Variants in FSTL1 observed in about 807,000 individuals in gnomAD.
The protein encoded by FSTL1 is follistatin like 1.
A neutral mutation model predicts 45.9 loss-of-function variants in FSTL1; 24 were observed. That is an observed-to-expected ratio of 0.52 (90% CI 0.38 to 0.74). The LOEUF is 0.74. Ranked by LOEUF, FSTL1 falls within the 30% of genes least tolerant of loss-of-function variation. FSTL1 has a pLI of 0.00. For synonymous variants in FSTL1, 120 were observed against 137.6 expected (o/e 0.87, Z 0.89); for missense variants, 340 against 381.8 (o/e 0.89, Z 0.91).
chr3:120,431,435 T>C (rs924169334), intron 2 of FSTL1, among the ~76,000 whole-genome samples: 1 of 152,228 alleles, frequency 6.6e-6, no homozygotes. Context: ...TGGTATGTCT[T>C]TTACACTTAC....
chr3:120,424,494 T>G (rs952566561), intron 2 of FSTL1, among the ~76,000 whole-genome samples: 30 of 152,140 alleles, frequency 2.0e-4, no homozygotes, highest in Admixed American at 2.0e-3. Context: ...AGGTAGGATG[T>G]GGATGGAAAA....
At chr3:120,404,104 G>C (rs1203192933) in intron 7 of FSTL1, among the ~76,000 whole-genome samples, 2 of 152,066 alleles carry the variant, frequency 1.3e-5, no homozygotes, top group Non-Finnish European at 2.9e-5. Context: ...ACTTTTCTGA[G>C]CCTGTCTTCC....
At chr3:120,423,542 T>C (rs1937320052) in intron 2 of FSTL1, 1 of 152,148 alleles carries the variant, frequency 6.6e-6, no homozygotes, top group African/African-American at 2.4e-5. Flanking sequence ...GAGGAGACTG[T>C]GACTTCAAGA....
At chr3:120,443,685 T>C (rs1937675394) in intron 2 of FSTL1, among the ~76,000 whole-genome samples, 1 of 149,874 alleles carries the variant, frequency 6.7e-6, no homozygotes, top group South Asian at 2.1e-4. Context: ...TTGTCATGTA[T>C]CATATGACCT....
intron 2 of FSTL1, among the ~76,000 whole-genome samples, chr3:120,442,441 C>A (rs1243162059): frequency 6.6e-6 from 1 of 152,160 alleles, no homozygotes; most frequent in African/African-American, 2.4e-5. Context: ...TGTTCTACAG[C>A]GTTGCTCTTA....
intron 2 of FSTL1, among the ~76,000 whole-genome samples, chr3:120,426,622 C>T (rs1017089199): frequency 6.6e-6 from 1 of 152,166 alleles, no homozygotes; most frequent in African/African-American, 2.4e-5. Flanking sequence ...GTACCCCCAT[C>T]ACTTCTGTGG....
chr3:120,411,507 AACTT>A (rs1159947229), intron 4 of FSTL1, among the ~76,000 whole-genome samples: 1 of 152,230 alleles, frequency 6.6e-6, no homozygotes, highest in Non-Finnish European at 1.5e-5. Context: ...GGAAAAGTGA[AACTT>A]ACCTACTTTC....
At chr3:120,434,916 A>T (rs1288084956) in intron 2 of FSTL1, among the ~76,000 whole-genome samples, 1 of 152,208 alleles carries the variant, frequency 6.6e-6, no homozygotes, top group African/African-American at 2.4e-5. Context: ...CTTACAGAGC[A>T]TACATTTACT....
intron 2 of FSTL1, among the ~76,000 whole-genome samples, chr3:120,437,518 T>C (rs1361378930): frequency 6.6e-6 from 1 of 152,202 alleles, no homozygotes; most frequent in Non-Finnish European, 1.5e-5. Flanking sequence ...ATTAGAGCTA[T>C]AGGGAGATGG....
intron 2 of FSTL1, among the ~76,000 whole-genome samples, chr3:120,450,266 A>G (rs1478395884): frequency 6.6e-6 from 1 of 152,230 alleles, no homozygotes; most frequent in African/African-American, 2.4e-5. Flanking sequence ...CCCCAAAAGA[A>G]GAATCCCGAT....
intron 2 of FSTL1, among the ~76,000 whole-genome samples, chr3:120,449,482 C>T (rs1937834654): frequency 6.6e-6 from 1 of 152,176 alleles, no homozygotes; most frequent in Admixed American, 6.5e-5. Flanking sequence ...GTAACCTTCG[C>T]TGACTCAATT....
chr3:120,449,097 C>CATCAG (rs1937822765), intron 2 of FSTL1, among the ~76,000 whole-genome samples: 1 of 152,134 alleles, frequency 6.6e-6, no homozygotes, highest in Non-Finnish European at 1.5e-5. Context: ...CAAATGCAAA[C>CATCAG]CCTGGAAAAC....
At chr3:120,402,982 C>T (rs1403489874) in intron 8 of FSTL1, 64 bp from the exon 9 acceptor site, 4 of 1,048,652 alleles carry the variant, frequency 3.8e-6, no homozygotes, top group Non-Finnish European at 4.5e-6. Flanking sequence ...ATCTTTGCTA[C>T]AGTCTGTGCA....
intron 2 of FSTL1, among the ~76,000 whole-genome samples, chr3:120,434,241 A>G (rs1937518522): frequency 1.3e-5 from 2 of 152,224 alleles, no homozygotes; most frequent in African/African-American, 4.8e-5. Context: ...CTGGGTATGA[A>G]CAGAGAAAGT....
At chr3:120,421,212 T>G (rs557396134) in intron 2 of FSTL1, 1 of 152,322 alleles carries the variant, frequency 6.6e-6, no homozygotes, top group East Asian at 1.9e-4. Context: ...TTCACTAACA[T>G]GAAGTGGGCC....
rs753507075 is a variant in FSTL1 at position 120,409,624 on chromosome 3, G to A, written c.370C>T (p.Arg124Cys). 20 of 1,613,880 alleles carry A rather than the reference G, an allele frequency of 1.2e-5. No homozygotes were observed. Among genetic ancestry groups the A allele is most frequent in the Middle Eastern group, 1.7e-4 (1 of 6,058 alleles). Residue 124 changes from arginine to cysteine, a missense_variant, in exon 6 of 11, where the codon CGC becomes TGC. Transcript: ENST00000295633. ...TCAGCTTCCAGCCACTGGATGATGC[G>A]ACGTCGGAGCTCATCACGGTTGGAC... The part of the protein sequence containing the change: ...YQSNRDELRR[R>C]IIQWLEAEII...
At chr3:120,422,179 A>G (rs1937289163) in intron 2 of FSTL1, among the ~76,000 whole-genome samples, 1 of 152,152 alleles carries the variant, frequency 6.6e-6, no homozygotes, top group African/African-American at 2.4e-5. Context: ...ATGCTCAACA[A>G]ATGGTTTGTA....
chr3:120,426,981 A>G (rs949975932), intron 2 of FSTL1, among the ~76,000 whole-genome samples: 2 of 152,190 alleles, frequency 1.3e-5, no homozygotes, highest in African/African-American at 4.8e-5. Context: ...AAATTTAAAA[A>G]AAGGGTCTAG....
At chr3:120,423,242 C>G (rs893728467) in intron 2 of FSTL1, 1 of 151,928 alleles carries the variant, frequency 6.6e-6, no homozygotes, top group Non-Finnish European at 1.5e-5. Flanking sequence ...CACCTTCACA[C>G]GGAAGCCTCT....
Sources: allele counts gnomAD v4.1 joint callset (sites outside exome capture counted in the v4.1 genomes callset), GRCh38; gene constraint gnomAD v4.1.1; transcripts MANE v1.5; gene names NCBI Gene and HGNC (gene_info 2026-07-23, HGNC 2026-07-21).